Variants in DMXL1 observed in about 807,000 individuals in gnomAD.
DMXL1 encodes the protein dmX-like protein 1.
Under a neutral mutation model 319.2 loss-of-function variants are expected in DMXL1, and 99 were observed. The ratio of observed to expected loss-of-function variants is 0.31; its 90% CI spans 0.26 to 0.37. The LOEUF (loss-of-function observed/expected upper bound fraction) is 0.37. DMXL1 is among the 10% of genes least tolerant of loss of function. The pLI is 1.00. For missense variants in DMXL1, 3,745 were observed against 3,595.6 expected (o/e 1.04, Z -1.06); for synonymous variants, 1,385 against 1,235.2 (o/e 1.12, Z -2.54).
chr5:119,145,926 C>T (rs773199440), intron 15 of DMXL1, among the ~76,000 whole-genome samples: 9 of 151,692 alleles, frequency 5.9e-5, no homozygotes, highest in Non-Finnish European at 1.2e-4. Flanking sequence ...ATTATCAAAA[C>T]TAGGATTGAT....
chr5:119,119,133 A>G lies in DMXL1; in HGVS notation c.933+129A>G, dbSNP rs902430480. On this transcript the variant is annotated intron_variant, in intron 8 of 43. Transcript: ENST00000539542. Reference sequence around the variant, plus strand: ...TAATTCTTAGAAAATTTTCAGTTCTATTTGGTTCAAAAAACATATTTTTAT... The same window carrying G: ...TAATTCTTAGAAAATTTTCAGTTCTGTTTGGTTCAAAAAACATATTTTTAT... 2.0e-5 allele frequency: 12 copies of G among 589,464 alleles called. 1 individual carries two copies. The highest frequency in any genetic ancestry group is 7.2e-5 in the South Asian group (2 of 27,664). 36.5% of individuals were successfully genotyped at this position (589,464 alleles called of 1,614,324 possible). A position where few individuals can be genotyped will look rare whatever the true frequency, so the allele number is the denominator to read the frequency against.
intron 4 of DMXL1, among the ~76,000 whole-genome samples, chr5:119,105,913 G>A (rs199859419): frequency 1.5e-5 from 2 of 133,100 alleles, no homozygotes; most frequent in Non-Finnish European, 3.3e-5. Context: ...AAAAAAAAAG[G>A]AAGAAAATAT....
chr5:119,238,148 G>GTT (rs3839240), intron 40 of DMXL1, among the ~76,000 whole-genome samples: 1 of 151,498 alleles, frequency 6.6e-6, no homozygotes, highest in Admixed American at 6.6e-5. Flanking sequence ...CTAAGGGACT[G>GTT]TTTTTTTTAA....
At chr5:119,112,111 A>C (rs1759761609) in intron 5 of DMXL1, among the ~76,000 whole-genome samples, 1 of 151,972 alleles carries the variant, frequency 6.6e-6, no homozygotes, top group South Asian at 2.1e-4. Flanking sequence ...CAGGCGCTCT[A>C]CCACCATGCC....
chr5:119,227,576 G>A (rs1300456901), intron 38 of DMXL1, among the ~76,000 whole-genome samples: 1 of 152,000 alleles, frequency 6.6e-6, no homozygotes, highest in Admixed American at 6.6e-5. Context: ...AACCATGTAA[G>A]GGACTATATA....
intron 21 of DMXL1, 32 bp from the exon 22 acceptor site, chr5:119,166,584 A>C: frequency 6.3e-7 from 1 of 1,576,466 alleles, no homozygotes; most frequent in Non-Finnish European, 8.6e-7. Context: ...ATTGTATTCC[A>C]AAATTTTCAC....
rs1789899768 is a variant in DMXL1, at chr5:119,246,891, C to A, written c.8923-104C>A. On this transcript the variant is annotated intron_variant, in intron 43 of 43. Coordinates refer to ENST00000539542, the MANE Select transcript of DMXL1 (RefSeq NM_001290321.3). Reference sequence around the variant, plus strand: ...TAGGTGGTCTGCCTGCCTTGACCTCCCAAAGTGCTGGGATTACAGGCATGA... The same window carrying A: ...TAGGTGGTCTGCCTGCCTTGACCTCACAAAGTGCTGGGATTACAGGCATGA... 1.1e-5 allele frequency: 9 copies of A among 802,800 alleles called. No homozygotes were observed. The South Asian group carries it at 1.7e-4, about 15-fold the overall frequency. The allele number at this position is 802,800 out of a possible 1,614,324, so 49.7% of individuals were successfully genotyped here. A position where few individuals can be genotyped will look rare whatever the true frequency, so the allele number is the denominator to read the frequency against.
At chr5:119,183,088 T>C (rs1332967787) in intron 28 of DMXL1, among the ~76,000 whole-genome samples, 1 of 152,190 alleles carries the variant, frequency 6.6e-6, no homozygotes, top group Admixed American at 6.5e-5. Context: ...AAATGAACAT[T>C]TTATTTGTGG....
intron 1 of DMXL1, chr5:119,081,513 C>G (rs991950063): frequency 1.7e-5 from 16 of 934,496 alleles, no homozygotes; most frequent in Non-Finnish European, 2.0e-5. Flanking sequence ...CAAACATCTT[C>G]ACACTTAAGT....
chr5:119,071,563 C>T lies in DMXL1; in HGVS notation c.-7C>T, dbSNP rs747661659. On this transcript the variant is annotated 5_prime_UTR_variant, in exon 1 of 44. Coordinates refer to ENST00000539542, the MANE Select transcript of DMXL1 (RefSeq NM_001290321.3). ...TGCGGTGTCCGTTGCAGGACTAGGG[C>T]GCCGACATGAACCTGCACCAGGTGC... 6.2e-7 allele frequency: 1 copy of T among 1,601,416 alleles called. No individual in the cohort carries two copies. The highest frequency in any genetic ancestry group is 8.5e-7 in the Non-Finnish European group (1 of 1,174,268).
At chr5:119,244,894 G>T (rs960129716) in intron 43 of DMXL1, among the ~76,000 whole-genome samples, 2 of 152,028 alleles carry the variant, frequency 1.3e-5, no homozygotes, top group African/African-American at 4.8e-5. Context: ...ATTTCCAGGG[G>T]CTGAGAAATG....
rs573091501 is a variant in DMXL1 at position 119,159,914 on chromosome 5, G to A, written c.4703-4593G>A. ...GCTGGTATTACAGGCATGAGCCACTGCGCCTAGCCTTTCTTTTTCTTAATC... is the reference window on the plus strand; with the variant it reads ...GCTGGTATTACAGGCATGAGCCACTACGCCTAGCCTTTCTTTTTCTTAATC... On this transcript the variant is annotated intron_variant, in intron 19 of 43. Transcript: ENST00000539542. Among the ~76,000 whole-genome samples, 4 of 152,366 alleles carry A rather than the reference G, an allele frequency of 2.6e-5. 1 individual carries two copies. Among genetic ancestry groups the A allele is most frequent in the South Asian group, 4.1e-4 (2 of 4,834 alleles).
Position 119,084,764 on chromosome 5 carries a change from C to T in DMXL1, c.87+13108C>T, listed in dbSNP as rs185965935. On this transcript the variant is annotated intron_variant, in intron 1 of 43. Coordinates refer to ENST00000539542, the MANE Select transcript of DMXL1 (RefSeq NM_001290321.3). ...CCTGTAATTCCGGCTACTCGGGAGG[C>T]GAGGCAGGAGAATTGCTTGAACCTG... Among the ~76,000 whole-genome samples the T allele has an allele frequency of 6.2e-4, 93 of 150,442 alleles. 1 individual carries two copies. Among genetic ancestry groups the T allele is most frequent in the African/African-American group, 2.2e-3 (88 of 40,836 alleles).
At chr5:119,171,653 TAA>T (rs1230540173) in intron 24 of DMXL1, 123 bp from the exon 25 acceptor site, 7 of 745,204 alleles carry the variant, frequency 9.4e-6, no homozygotes, top group African/African-American at 3.7e-5. Context: ...CTTCTAACTC[TAA>T]GTTTCTATTA....
At position 119,149,638 on chromosome 5, in the gene DMXL1, T is replaced by A; in HGVS notation, c.3811T>A (p.Ser1271Thr). The A allele has an allele frequency of 6.2e-7, 1 of 1,613,794 alleles. No homozygotes were observed. The highest frequency in any genetic ancestry group is 8.5e-7 in the Non-Finnish European group (1 of 1,179,830). Residue 1271 changes from serine (S) to threonine (T), a missense_variant, in exon 18 of 44, where the codon TCC becomes ACC. By Grantham distance (58) the Ser-to-Thr change is moderately conservative. This residue lies in a region of DMXL1 where 2,096 missense variants were observed against 1,985.4 expected (regional missense o/e 1.06). Transcript: ENST00000539542. ...SITSLIKQSN[S>T]SSGLHPPKKT... is the part of the protein sequence containing the mutation. Reference sequence around the variant, plus strand: ...AACAAGTTTAATAAAACAGAGTAACTCCAGTTCTGGGTTACATCCTCCAAA... The same window carrying A: ...AACAAGTTTAATAAAACAGAGTAACACCAGTTCTGGGTTACATCCTCCAAA...
chr5:119,098,159 A>G (rs1756410514), intron 2 of DMXL1, 55 bp downstream of exon 2: 8 of 1,551,086 alleles, frequency 5.2e-6, no homozygotes, highest in Admixed American at 2.0e-5. Context: ...TTTTGTCAGG[A>G]TAATCTCTGA....
At chr5:119,081,912 C>T (rs1425500657) in intron 1 of DMXL1, among the ~76,000 whole-genome samples, 1 of 150,990 alleles carries the variant, frequency 6.6e-6, no homozygotes, top group Non-Finnish European at 1.5e-5. Flanking sequence ...AAACATGATT[C>T]TTGCCCTTCA....
At chr5:119,074,310 T>TATCC (rs1177426415) in intron 1 of DMXL1, among the ~76,000 whole-genome samples, 1 of 152,230 alleles carries the variant, frequency 6.6e-6, no homozygotes, top group Non-Finnish European at 1.5e-5. Flanking sequence ...AAGACTAAAA[T>TATCC]ATCCCTCAGT....
At chr5:119,115,201 A>G (rs1432874005) in intron 6 of DMXL1, among the ~76,000 whole-genome samples, 3 of 152,232 alleles carry the variant, frequency 2.0e-5, no homozygotes, top group African/African-American at 7.2e-5. Context: ...TAGACAATAT[A>G]TGCAGTATAG....
Sources: gnomAD v4.1 joint callset for allele counts (sites outside exome capture counted in the v4.1 genomes callset) on GRCh38, gnomAD v4.1.1 for gene constraint, gnomAD v4.1.1 regional missense constraint, MANE v1.5 for transcripts, NCBI Gene and HGNC (gene_info 2026-07-23, HGNC 2026-07-21) for gene names.